The following ARMC8 variants were observed in gnomAD, a reference collection of about 807,000 sequenced individuals.
ARMC8 encodes the protein armadillo repeat-containing protein 8.
ARMC8 carries 20 observed loss-of-function variants against 99.3 expected under a neutral mutation model. The observed-to-expected ratio is 0.20, with a 90% CI of 0.14 to 0.29. ARMC8 has a LOEUF of 0.29. ARMC8 is among the 10% of genes least tolerant of loss of function. ARMC8 has a pLI of 1.00. For missense variants in ARMC8, 569 were observed against 809.5 expected, an observed-to-expected ratio of 0.70 and a Z score of 3.60; for synonymous variants, 263 against 278.3, an observed-to-expected ratio of 0.95 and a Z score of 0.55.
chr3:138,196,108 G>GT lies in ARMC8; in HGVS notation c.45+8514dup, dbSNP rs1214157147. Among the ~76,000 whole-genome samples, 6 of 152,246 alleles carry GT rather than the reference G, an allele frequency of 3.9e-5. No homozygotes were observed. In the East Asian group the frequency reaches 7.7e-4, roughly 20 times the overall value. On this transcript the variant is annotated intron_variant, in intron 1 of 21. Transcript: ENST00000469044. ...CACATGCTTCTTTTGCCTTAGGGGTGTTTTTAAGAATTTCTTAGGCTTTCA... is the reference window on the plus strand; with the variant it reads ...CACATGCTTCTTTTGCCTTAGGGGTGTTTTTTAAGAATTTCTTAGGCTTTCA...
intron 10 of ARMC8, among the ~76,000 whole-genome samples, chr3:138,240,695 A>G (rs115992746): frequency 6.7e-4 from 102 of 152,358 alleles, no homozygotes; most frequent in Non-Finnish European, 1.3e-3. Flanking sequence ...TCTGTGGTAA[A>G]AGATATAATA....
intron 21 of ARMC8, among the ~76,000 whole-genome samples, chr3:138,294,189 A>G (rs1423488152): frequency 2.0e-5 from 3 of 152,250 alleles, no homozygotes; most frequent in Non-Finnish European, 2.9e-5. Context: ...AGTAAGGTCT[A>G]TCACCTGAAG....
intron 1 of ARMC8, among the ~76,000 whole-genome samples, chr3:138,198,496 A>T (rs1034937650): frequency 4.7e-4 from 12 of 25,754 alleles, no homozygotes; most frequent in Admixed American, 1.0e-3. Flanking sequence ...TATATTCTTT[A>T]TTATTATTAT....
At chr3:138,196,803 G>T (rs2043759999) in intron 1 of ARMC8, among the ~76,000 whole-genome samples, 1 of 152,118 alleles carries the variant, frequency 6.6e-6, no homozygotes, top group African/African-American at 2.4e-5. Flanking sequence ...GGAGGCAGAG[G>T]TTGCAGTGAG....
At chr3:138,231,782 G>C (rs542137433) in intron 6 of ARMC8, among the ~76,000 whole-genome samples, 6 of 148,582 alleles carry the variant, frequency 4.0e-5, no homozygotes, top group Non-Finnish European at 7.4e-5. Context: ...CCCATCTCTG[G>C]GGGGGGAAAA....
At chr3:138,188,409 A>G in intron 1 of ARMC8, 1 of 1,514,798 alleles carries the variant, frequency 6.6e-7, no homozygotes, top group Non-Finnish European at 8.9e-7. Context: ...AGTTTTTTTA[A>G]AGAAAAAGAC....
At position 138,265,084 on chromosome 3, in the gene ARMC8, A is replaced by G. The variant is rs188208647; in HGVS notation, c.1299+872A>G. 4.1e-3 allele frequency among the ~76,000 whole-genome samples: 615 copies of G among 151,840 alleles called. 2 individuals are homozygous for G. Among genetic ancestry groups the G allele is most frequent in the African/African-American group, 0.014 (565 of 41,376 alleles). On this transcript the variant is annotated intron_variant, in intron 14 of 21. Coordinates refer to ENST00000469044, the MANE Select transcript of ARMC8 (RefSeq NM_001363941.2). ...GGCTAATTTTTTTTATTTTTTTGAGACAAGGTCTCGCCAAGTTGCCCAGGC... is the reference window on the plus strand; with the variant it reads ...GGCTAATTTTTTTTATTTTTTTGAGGCAAGGTCTCGCCAAGTTGCCCAGGC...
intron 15 of ARMC8, among the ~76,000 whole-genome samples, chr3:138,268,197 C>G (rs1016194091): frequency 6.6e-6 from 1 of 152,012 alleles, no homozygotes; most frequent in Non-Finnish European, 1.5e-5. Flanking sequence ...GAGCTGAGAT[C>G]GCGCCACTGC....
At chr3:138,234,253 A>G in intron 6 of ARMC8, among the ~76,000 whole-genome samples, 1 of 152,216 alleles carries the variant, frequency 6.6e-6, no homozygotes, top group Middle Eastern at 3.4e-3. Flanking sequence ...CTGGGGCTAC[A>G]GGCATGCGCC....
chr3:138,187,635 A>C, intron 1 of ARMC8, 36 bp downstream of exon 1: 1 of 1,534,394 alleles, frequency 6.5e-7, no homozygotes, highest in Non-Finnish European at 8.7e-7. Context: ...CCCGCCCTCC[A>C]GGAAGCCTCA....
At chr3:138,248,611 C>T (rs2046985547) in intron 12 of ARMC8, among the ~76,000 whole-genome samples, 1 of 152,196 alleles carries the variant, frequency 6.6e-6, no homozygotes, top group Admixed American at 6.5e-5. Context: ...GGCAAACAAT[C>T]CTGTAATTTT....
At chr3:138,262,720 G>A (rs1246423631) in intron 12 of ARMC8, 1 of 899,376 alleles carries the variant, frequency 1.1e-6, no homozygotes, top group Non-Finnish European at 1.5e-6. Flanking sequence ...CTTCTGCAAG[G>A]ACAACCAAGG....
At chr3:138,245,454 T>C in intron 12 of ARMC8, 1 of 1,356,050 alleles carries the variant, frequency 7.4e-7, no homozygotes, top group African/African-American at 1.5e-5. Context: ...ATGTTGCACA[T>C]TTTTGCATGT....
At position 138,284,457 on chromosome 3, in the gene ARMC8, G is replaced by A. The variant is rs754067445; in HGVS notation, c.1752G>A (p.Ala584=). 62 of 1,613,650 alleles carry A rather than the reference G, an allele frequency of 3.8e-5. 1 individual carries two copies. In the Middle Eastern group the frequency reaches 5.0e-4, roughly 13 times the overall value. ...CACTGTGCATCTTAGCCAACATAGC[G>A]GATGGGACAACAGCAAAAGATCTTA... The part of the protein sequence containing the change: ...EQTLCILANI[A]DGTTAKDLIM... The change falls in exon 19 of 22, where the codon GCG becomes GCA. Residue 584 remains alanine (A), a synonymous_variant. Coordinates refer to ENST00000469044, the MANE Select transcript of ARMC8 (RefSeq NM_001363941.2).
chr3:138,207,223 C>G (rs1474274441), intron 1 of ARMC8, among the ~76,000 whole-genome samples: 1 of 152,162 alleles, frequency 6.6e-6, no homozygotes. Context: ...TCCCTGATTC[C>G]CCTGGTTTAC....
rs185420524 is a variant in ARMC8 at position 138,288,914 on chromosome 3, G to A, written c.1822-134G>A. 3.0e-4 allele frequency: 196 copies of A among 658,854 alleles called. No individual in the cohort carries two copies. In the African/African-American group the frequency reaches 3.3e-3, roughly 11 times the overall value. 40.8% of individuals were successfully genotyped at this position (658,854 alleles called of 1,614,324 possible). On this transcript the variant is annotated intron_variant, in intron 19 of 21. Transcript: ENST00000469044. ...GGTCTCCCAAAGTGCTGGGATTACA[G>A]GCATGAGCCACCTCACCTGGCCCTG...
At chr3:138,198,790 G>A (rs530268592) in intron 1 of ARMC8, among the ~76,000 whole-genome samples, 2 of 152,020 alleles carry the variant, frequency 1.3e-5, no homozygotes, top group East Asian at 3.9e-4. Context: ...GGGATTACAG[G>A]CATGAGCCAC....
At chr3:138,242,605 A>G (rs2046680340) in intron 11 of ARMC8, among the ~76,000 whole-genome samples, 1 of 152,152 alleles carries the variant, frequency 6.6e-6, no homozygotes, top group African/African-American at 2.4e-5. Context: ...TTCTTTAAGC[A>G]TAGGAGATGA....
At chr3:138,231,633 T>C (rs575328716) in intron 6 of ARMC8, among the ~76,000 whole-genome samples, 18 of 152,248 alleles carry the variant, frequency 1.2e-4, no homozygotes, top group African/African-American at 4.3e-4. Context: ...CCATGAGAGC[T>C]AGGCCAGGTG....
Sources: allele counts gnomAD v4.1 joint callset (sites outside exome capture counted in the v4.1 genomes callset), GRCh38; gene constraint gnomAD v4.1.1; transcripts MANE v1.5; gene names NCBI Gene and HGNC (gene_info 2026-07-23, HGNC 2026-07-21).